The following GHR variants were observed in gnomAD, a reference collection of about 807,000 sequenced individuals.
GHR encodes growth hormone receptor, also known as GH receptor.
Under a neutral mutation model 67.1 loss-of-function variants are expected in GHR, and 35 were observed. The observed-to-expected ratio is 0.52, with a 90% CI of 0.40 to 0.69. GHR has a LOEUF of 0.69. GHR is among the 30% of genes least tolerant of loss of function. The probability of loss-of-function intolerance (pLI) is 0.00; values close to 1 mark genes in which losing one functional copy is unlikely to be tolerated. For synonymous variants in GHR, 272 were observed against 269.1 expected, an observed-to-expected ratio of 1.01 and a Z score of -0.10; for missense variants, 792 against 764.6, an observed-to-expected ratio of 1.04 and a Z score of -0.42.
intron 2 of GHR, among the ~76,000 whole-genome samples, chr5:42,619,159 C>A (rs1204657335): frequency 1.3e-5 from 2 of 152,020 alleles, no homozygotes; most frequent in African/African-American, 4.8e-5. Flanking sequence ...AGGGGAATAG[C>A]AATAGCAATT....
rs573437188 is a variant in GHR, at chr5:42,662,613, G to A, written c.137-26277G>A. On this transcript the variant is annotated intron_variant, in intron 3 of 9. Transcript: ENST00000230882. ...TGGGACGCATTCAAAGCAGTGTGTA[G>A]AGGGAAATTTATAGCACTAAATGCC... Among the ~76,000 whole-genome samples the A allele has an allele frequency of 2.1e-3, 314 of 152,268 alleles. 2 individuals are homozygous for A. Among genetic ancestry groups the A allele is most frequent in the African/African-American group, 7.3e-3 (303 of 41,538 alleles).
chr5:42,661,779 T>A (rs1415662189), intron 3 of GHR, among the ~76,000 whole-genome samples: 2 of 152,150 alleles, frequency 1.3e-5, no homozygotes, highest in African/African-American at 2.4e-5. Flanking sequence ...GTAAATGGAC[T>A]AAATGCTCCA....
intron 5 of GHR, among the ~76,000 whole-genome samples, chr5:42,699,201 A>G (rs1337970119): frequency 1.3e-5 from 2 of 152,202 alleles, no homozygotes; most frequent in African/African-American, 4.8e-5. Context: ...AGAAGATTGA[A>G]GAAGAGTAAA....
In GHR at chr5:42,616,677, G is replaced by GAA. The variant is rs11333795; in HGVS notation, c.71-12348_71-12347dup. ...ACTCGATGAGATTCCCTTTGCAGGG[G>GAA]AAAAAAAAAAAAAAGCTAGAATATT... On this transcript the variant is annotated intron_variant, in intron 2 of 9. Transcript: ENST00000230882. Among the ~76,000 whole-genome samples the GAA allele has an allele frequency of 9.2e-5, 13 of 141,248 alleles. No homozygotes were observed. The South Asian group carries it at 3.0e-3, about 33-fold the overall frequency. 92.7% of individuals were successfully genotyped at this position (141,248 alleles called of 152,430 possible).
chr5:42,582,143 G>A (rs1214790297), intron 2 of GHR, among the ~76,000 whole-genome samples: 7 of 152,218 alleles, frequency 4.6e-5, no homozygotes, highest in African/African-American at 1.2e-4. Context: ...GCCTGCAGGC[G>A]CCCCTTGGCA....
At chr5:42,460,563 T>C (rs527786854) in intron 1 of GHR, among the ~76,000 whole-genome samples, 4 of 152,310 alleles carry the variant, frequency 2.6e-5, no homozygotes, top group African/African-American at 7.2e-5. Flanking sequence ...TGGTTGACTT[T>C]GACGGTGCTT....
chr5:42,668,126 CAG>C (rs1756089022), intron 3 of GHR, among the ~76,000 whole-genome samples: 1 of 152,038 alleles, frequency 6.6e-6, no homozygotes, highest in South Asian at 2.1e-4. Context: ...TTAATTGAAA[CAG>C]GGAATAGCTG....
intron 3 of GHR, among the ~76,000 whole-genome samples, chr5:42,638,820 G>C (rs1427244198): frequency 6.6e-6 from 1 of 151,930 alleles, no homozygotes; most frequent in African/African-American, 2.4e-5. Flanking sequence ...ATATTAAACT[G>C]TTACAGGGAG....
chr5:42,624,715 A>G (rs534501048), intron 2 of GHR, among the ~76,000 whole-genome samples: 1 of 152,330 alleles, frequency 6.6e-6, no homozygotes, highest in South Asian at 2.1e-4. Context: ...CAAGTAATAC[A>G]TAGTTGTCAG....
At chr5:42,643,982 T>C (rs1414516578) in intron 3 of GHR, among the ~76,000 whole-genome samples, 1 of 152,120 alleles carries the variant, frequency 6.6e-6, no homozygotes, top group Non-Finnish European at 1.5e-5. Flanking sequence ...GAATAGTTGG[T>C]GGAATAAAGT....
chr5:42,591,759 T>A (rs1291402521), intron 2 of GHR, among the ~76,000 whole-genome samples: 3 of 152,162 alleles, frequency 2.0e-5, no homozygotes, highest in East Asian at 3.8e-4. Context: ...AGCTCCAGAC[T>A]TTGACCTTTC....
At chr5:42,468,736 C>CTT (rs1744857402) in intron 1 of GHR, 1 of 1,002,822 alleles carries the variant, frequency 1.0e-6, no homozygotes, top group Non-Finnish European at 1.6e-6. Flanking sequence ...AGAGACGCCG[C>CTT]CCCCGCCAGC....
intron 3 of GHR, among the ~76,000 whole-genome samples, chr5:42,640,840 G>T (rs575060094): frequency 1.3e-5 from 2 of 151,902 alleles, no homozygotes; most frequent in South Asian, 2.1e-4. Context: ...TTTGCGTCCT[G>T]AAAGACCCTC....
At chr5:42,546,575 T>A (rs978356874) in intron 1 of GHR, among the ~76,000 whole-genome samples, 3 of 152,036 alleles carry the variant, frequency 2.0e-5, no homozygotes, top group African/African-American at 7.3e-5. Context: ...TAACTGAAAA[T>A]GGGAAGAGTG....
chr5:42,530,123 T>C (rs1747900681), intron 1 of GHR, among the ~76,000 whole-genome samples: 1 of 151,794 alleles, frequency 6.6e-6, no homozygotes, highest in Non-Finnish European at 1.5e-5. Context: ...TTGATATATG[T>C]GTACATTTTA....
intron 1 of GHR, among the ~76,000 whole-genome samples, chr5:42,558,424 A>G (rs945330622): frequency 6.6e-6 from 1 of 152,246 alleles, no homozygotes; most frequent in Non-Finnish European, 1.5e-5. Flanking sequence ...AAACCATAAA[A>G]TGTATATACG....
chr5:42,509,154 T>C (rs1460470583), intron 1 of GHR, among the ~76,000 whole-genome samples: 1 of 152,172 alleles, frequency 6.6e-6, no homozygotes, highest in Admixed American at 6.5e-5. Context: ...CCTGGCAAAA[T>C]TCCAACCCAG....
At position 42,719,516 on chromosome 5, in the gene GHR, T is replaced by G; in HGVS notation, c.*92T>G. On this transcript the variant is annotated 3_prime_UTR_variant, in exon 10 of 10. Coordinates refer to ENST00000230882, the MANE Select transcript of GHR (RefSeq NM_000163.5). ...AGCCAAAACAATGTTTAAACCTTTTTTGGGGGAGTGACAGGATGGGGTATG... is the reference window on the plus strand; with the variant it reads ...AGCCAAAACAATGTTTAAACCTTTTGTGGGGGAGTGACAGGATGGGGTATG... 1 of 1,245,576 alleles carries G rather than the reference T, an allele frequency of 8.0e-7. No homozygotes were observed. The highest frequency in any genetic ancestry group is 1.2e-5 in the South Asian group (1 of 83,354). 77.2% of individuals were successfully genotyped at this position (1,245,576 alleles called of 1,614,324 possible).
intron 1 of GHR, among the ~76,000 whole-genome samples, chr5:42,500,673 C>T (rs527879077): frequency 6.6e-6 from 1 of 152,264 alleles, no homozygotes; most frequent in East Asian, 1.9e-4. Context: ...ATGCTTATGC[C>T]TCTTTGGTCA....
Sources: allele counts gnomAD v4.1 joint callset (sites outside exome capture counted in the v4.1 genomes callset), GRCh38; gene constraint gnomAD v4.1.1; transcripts MANE v1.5; gene names NCBI Gene and HGNC (gene_info 2026-07-23, HGNC 2026-07-21).